The following ARHGEF2 variants were observed in gnomAD, a reference collection of about 807,000 sequenced individuals.
ARHGEF2 encodes the protein rho guanine nucleotide exchange factor 2.
A neutral mutation model predicts 121.0 loss-of-function variants in ARHGEF2; 22 were observed. The ratio of observed to expected loss-of-function variants is 0.18; its 90% CI spans 0.13 to 0.26. The LOEUF (loss-of-function observed/expected upper bound fraction) is 0.26. Among genes scored for constraint, ARHGEF2 ranks in the 10% least tolerant of loss-of-function variants. ARHGEF2 has a pLI of 1.00. For missense variants in ARHGEF2, 907 were observed against 1,336.0 expected (o/e 0.68, Z 5.01); for synonymous variants, 487 against 530.0 (o/e 0.92, Z 1.11).
chr1:155,954,107 G>A (rs1572072188), intron 14 of ARHGEF2, among the ~76,000 whole-genome samples: 2 of 149,820 alleles, frequency 1.3e-5, no homozygotes, highest in Non-Finnish European at 3.0e-5. Context: ...GACTACAGGT[G>A]TGTACCATCA....
rs1158434313 is a variant in ARHGEF2, at chr1:155,962,464, G to A, written c.1101+129C>T. On this transcript the variant is annotated intron_variant, in intron 9 of 21. Coordinates refer to ENST00000361247, the MANE Select transcript of ARHGEF2 (RefSeq NM_001162383.2). The surrounding 1 kb of genome is among the most constrained non-coding windows in gnomAD (Gnocchi z 5.8). Reference sequence around the variant, plus strand: ...TGAGGGGTTACTGCTGACAGGATCTGTGTATGGATGGTCTGCACGGGTGGC... The same window carrying A: ...TGAGGGGTTACTGCTGACAGGATCTATGTATGGATGGTCTGCACGGGTGGC... 7.4e-7 allele frequency: 1 copy of A among 1,349,966 alleles called. No homozygotes were observed. Among genetic ancestry groups the A allele is most frequent in the African/African-American group, 1.4e-5 (1 of 69,076 alleles). The allele number at this position is 1,349,966 out of a possible 1,614,324, so 83.6% of individuals were successfully genotyped here.
intron 2 of ARHGEF2, chr1:155,968,181 T>G (rs1249709161): frequency 6.8e-6 from 1 of 146,008 alleles, no homozygotes; most frequent in Non-Finnish European, 1.5e-5. Flanking sequence ...GTAGGGAGGC[T>G]TCACTGGTTT....
rs566474685 is a variant in ARHGEF2 at position 155,967,680 on chromosome 1, C to T, written c.209-793G>A. ...CTCAGGCAAATCCACAGCTCCCACACTCCATCTGCTTCTCCGCCATCCTCC... is the reference window on the plus strand; with the variant it reads ...CTCAGGCAAATCCACAGCTCCCACATTCCATCTGCTTCTCCGCCATCCTCC... On this transcript the variant is annotated intron_variant, in intron 2 of 21. Coordinates refer to ENST00000361247, the MANE Select transcript of ARHGEF2 (RefSeq NM_001162383.2). 2.0e-5 allele frequency among the ~76,000 whole-genome samples: 3 copies of T among 152,272 alleles called. No homozygotes were observed. In the East Asian group the frequency reaches 5.8e-4, roughly 29 times the overall value.
At position 155,950,793 on chromosome 1, in the gene ARHGEF2, C is replaced by T. The variant is rs1364908852; in HGVS notation, c.2703+36G>A. On this transcript the variant is annotated intron_variant, in intron 20 of 21. Coordinates refer to ENST00000361247, the MANE Select transcript of ARHGEF2 (RefSeq NM_001162383.2). The surrounding 1 kb of genome is among the most constrained non-coding windows in gnomAD (Gnocchi z 5.2). ...TTCGGGCTCCATGGACCCTTATGTC[C>T]ACCCCAGGTCCATTCACCACTGCAG... 2 of 1,506,512 alleles carry T rather than the reference C, an allele frequency of 1.3e-6. No individual in the cohort carries two copies. The highest frequency in any genetic ancestry group is 2.8e-5 in the African/African-American group (2 of 71,464). 93.3% of individuals were successfully genotyped at this position (1,506,512 alleles called of 1,614,324 possible).
chr1:155,957,961 G>A (rs2364403), intron 12 of ARHGEF2, 79 bp from the exon 13 acceptor site: 338,702 of 1,432,420 alleles, frequency 0.24, 48,704 homozygotes, highest in East Asian at 0.79. Context: ...CCTTCTGGAC[G>A]AGGACTGAAA....
Position 155,961,678 on chromosome 1 carries a change from G to C in ARHGEF2, c.1451C>G (p.Ala484Gly). Residue 484 changes from alanine to glycine, a missense_variant, in exon 11 of 22, where the codon GCG becomes GGG. Coordinates refer to ENST00000361247, the MANE Select transcript of ARHGEF2 (RefSeq NM_001162383.2). This position sits in a 1 kb window ranked among gnomAD's most constrained non-coding sequence, Gnocchi z 4.7. Reference sequence around the variant, plus strand: ...GGTCTGACCTTTGAAGCGCCCCGTCGCTGTCTTCCAGAGCAGGCAGCCATC... The same window carrying C: ...GGTCTGACCTTTGAAGCGCCCCGTCCCTGTCTTCCAGAGCAGGCAGCCATC... Reference protein sequence around the residue: ...IHDGCLLWKTATGRFKDVLVL... With the variant: ...IHDGCLLWKTGTGRFKDVLVL... 2.5e-6 allele frequency: 4 copies of C among 1,612,194 alleles called. No individual in the cohort carries two copies. Among genetic ancestry groups the C allele is most frequent in the Non-Finnish European group, 3.4e-6 (4 of 1,179,832 alleles).
chr1:155,948,901 C>T (rs1674829642), intron 21 of ARHGEF2, among the ~76,000 whole-genome samples: 1 of 152,278 alleles, frequency 6.6e-6, no homozygotes, highest in South Asian at 2.1e-4. Context: ...ACCTCACTCT[C>T]ACTCTCCGTA....
At chr1:155,977,458 CA>C (rs1330708105) in intron 1 of ARHGEF2, among the ~76,000 whole-genome samples, 1 of 151,950 alleles carries the variant, frequency 6.6e-6, no homozygotes, top group Non-Finnish European at 1.5e-5. Flanking sequence ...CACCCAGACT[CA>C]TGAAATGCTA....
At chr1:155,976,626 C>A (rs1572210824) in intron 1 of ARHGEF2, among the ~76,000 whole-genome samples, 1 of 125,580 alleles carries the variant, frequency 8.0e-6, no homozygotes, top group East Asian at 2.5e-4. Context: ...GCTCTCTATA[C>A]CCCCTAGCCA....
At chr1:155,956,434 C>A (rs1175056628) in intron 13 of ARHGEF2, among the ~76,000 whole-genome samples, 1 of 151,592 alleles carries the variant, frequency 6.6e-6, no homozygotes, top group East Asian at 1.9e-4. Flanking sequence ...TTCTAAAAAC[C>A]TTTTCAAAAT....
chr1:155,966,359 T>C lies in ARHGEF2; in HGVS notation c.340+57A>G, dbSNP rs147233349. The C allele has an allele frequency of 3.9e-3, 6,191 of 1,569,706 alleles. 37 individuals carry two copies. The highest frequency in any genetic ancestry group is 3.6e-3 in the Non-Finnish European group (4,129 of 1,140,010). On this transcript the variant is annotated intron_variant, in intron 4 of 21. Transcript: ENST00000361247. ...TTAGTGGGGCAGCAGAGCCCATGGG[T>C]TGAGCAGCCTGGGGTCCAGGGTCTT... is the stretch of plus-strand genomic sequence containing the variant.
At chr1:155,957,429 T>C (rs1676914269) in intron 13 of ARHGEF2, among the ~76,000 whole-genome samples, 1 of 152,272 alleles carries the variant, frequency 6.6e-6, no homozygotes, top group South Asian at 2.1e-4. Context: ...AATTGTACTG[T>C]TGGCTGGCAG....
rs1675254163 is a variant in ARHGEF2, at chr1:155,950,716, A to C, written c.2703+113T>G. On this transcript the variant is annotated intron_variant, in intron 20 of 21. Coordinates refer to ENST00000361247, the MANE Select transcript of ARHGEF2 (RefSeq NM_001162383.2). The surrounding 1 kb of genome is among the most constrained non-coding windows in gnomAD (Gnocchi z 5.2). ...TCCAACCAGTATCTCAATATCCTTC[A>C]AGTCAGTTGACTGATTGCATTTGGG... is the stretch of plus-strand genomic sequence containing the variant. The C allele has an allele frequency of 5.2e-6, 6 of 1,146,206 alleles. No homozygotes were observed. Among genetic ancestry groups the C allele is most frequent in the Non-Finnish European group, 7.5e-6 (6 of 799,490 alleles). 71.0% of individuals were successfully genotyped at this position (1,146,206 alleles called of 1,614,324 possible).
In ARHGEF2 at chr1:155,961,577, G is replaced by C. The variant is rs4661175; in HGVS notation, c.1468+84C>G. ...GCGTTGAGCCACTGCACCCGGCCAA[G>C]AGAGGTTGATTCTAAGACCTGCAGG... On this transcript the variant is annotated intron_variant, in intron 11 of 21. Transcript: ENST00000361247. This position sits in a 1 kb window ranked among gnomAD's most constrained non-coding sequence, Gnocchi z 4.7. 3.2e-6 allele frequency: 5 copies of C among 1,541,032 alleles called. No individual in the cohort carries two copies. The highest frequency in any genetic ancestry group is 4.4e-6 in the Non-Finnish European group (5 of 1,145,584).
At chr1:155,969,662 TA>T (rs1680097484) in intron 1 of ARHGEF2, 1 of 1,058,258 alleles carries the variant, frequency 9.4e-7, no homozygotes, top group Non-Finnish European at 1.1e-6. Context: ...TTCTCTGTGC[TA>T]GGGGGAAGAT....
chr1:155,976,420 C>A (rs1317089691), intron 1 of ARHGEF2, among the ~76,000 whole-genome samples: 2 of 151,416 alleles, frequency 1.3e-5, no homozygotes, highest in Admixed American at 1.3e-4. Context: ...CCCACTCAGC[C>A]CCCGACTCCC....
intron 12 of ARHGEF2, 129 bp from the exon 13 acceptor site, chr1:155,958,011 G>T: frequency 2.1e-6 from 2 of 951,514 alleles, no homozygotes; most frequent in Non-Finnish European, 1.5e-6. Flanking sequence ...TAAGAGCCAG[G>T]CACTGGTGCC....
chr1:155,977,991 G>A, intron 1 of ARHGEF2: 1 of 762,822 alleles, frequency 1.3e-6, no homozygotes, highest in Non-Finnish European at 1.6e-6. Flanking sequence ...GGGGCCCGGG[G>A]TGAGAGGAGG....
rs1366384012 is a variant in ARHGEF2 at position 155,962,849 on chromosome 1, C to T, written c.975+84G>A. ...CCAGCTCTCCCTGGCTCCCCTCCAACCCCTAGAATTTGGACCCAAGAAATG... is the reference window on the plus strand; with the variant it reads ...CCAGCTCTCCCTGGCTCCCCTCCAATCCCTAGAATTTGGACCCAAGAAATG... On this transcript the variant is annotated intron_variant, in intron 8 of 21. Transcript: ENST00000361247. This position sits in a 1 kb window ranked among gnomAD's most constrained non-coding sequence, Gnocchi z 5.8. The T allele has an allele frequency of 6.2e-7, 1 of 1,600,946 alleles. No individual in the cohort carries two copies. The highest frequency in any genetic ancestry group is 8.5e-7 in the Non-Finnish European group (1 of 1,172,240).
Sources: allele counts gnomAD v4.1 joint callset (sites outside exome capture counted in the v4.1 genomes callset), GRCh38; gene constraint gnomAD v4.1.1; non-coding constraint Gnocchi (gnomAD v3.1); transcripts MANE v1.5; gene names NCBI Gene and HGNC (gene_info 2026-07-23, HGNC 2026-07-21).